The following PRDM16 variants were observed in gnomAD, a reference collection of about 807,000 sequenced individuals.
The protein encoded by PRDM16 is histone-lysine N-methyltransferase PRDM16.
A neutral mutation model predicts 110.6 loss-of-function variants in PRDM16; 23 were observed. The observed-to-expected ratio is 0.21, with a 90% CI of 0.15 to 0.29. The LOEUF is 0.29. PRDM16 is among the 10% of genes least tolerant of loss of function. PRDM16 has a pLI of 1.00. For synonymous variants in PRDM16, 799 were observed against 781.8 expected (o/e 1.02, Z -0.37); for missense variants, 1,615 against 1,794.3 (o/e 0.90, Z 1.81).
At chr1:3,070,935 C>T (rs1641741330) in intron 1 of PRDM16, among the ~76,000 whole-genome samples, 1 of 152,242 alleles carries the variant, frequency 6.6e-6, no homozygotes, top group African/African-American at 2.4e-5. Context: ...TGACCTCTGA[C>T]CCCTCTTGGT....
chr1:3,233,907 TGGG>T (rs1569893609), intron 2 of PRDM16, among the ~76,000 whole-genome samples: 1 of 136,298 alleles, frequency 7.3e-6, no homozygotes, highest in African/African-American at 2.8e-5. Flanking sequence ...AAAAAAAAGG[TGGG>T]GGGAAATTCT....
At chr1:3,341,904 G>A (rs1321869210) in intron 3 of PRDM16, among the ~76,000 whole-genome samples, 1 of 152,230 alleles carries the variant, frequency 6.6e-6, no homozygotes, top group Non-Finnish European at 1.5e-5. Flanking sequence ...GGTAGGTTAG[G>A]TGTATTAAAT....
chr1:3,158,552 G>T (rs1378449351), intron 1 of PRDM16, among the ~76,000 whole-genome samples: 1 of 152,036 alleles, frequency 6.6e-6, no homozygotes, highest in African/African-American at 2.4e-5. Context: ...TTCTCATGGC[G>T]AGAAGGCACG....
chr1:3,182,721 T>C (rs1266744094), intron 1 of PRDM16, among the ~76,000 whole-genome samples: 1 of 152,188 alleles, frequency 6.6e-6, no homozygotes, highest in Non-Finnish European at 1.5e-5. Context: ...CTCCCTTACC[T>C]GTATTATGCG....
At chr1:3,219,248 G>A (rs1000962425) in intron 2 of PRDM16, among the ~76,000 whole-genome samples, 3 of 152,220 alleles carry the variant, frequency 2.0e-5, no homozygotes, top group Non-Finnish European at 4.4e-5. Context: ...TGCTGCAGTT[G>A]GACCAGGCTG....
intron 3 of PRDM16, among the ~76,000 whole-genome samples, chr1:3,372,031 C>T (rs1002763156): frequency 1.8e-4 from 28 of 152,328 alleles, no homozygotes; most frequent in Non-Finnish European, 3.1e-4. Flanking sequence ...TGTGTCTGGT[C>T]CTCCTAAGGT....
chr1:3,151,457 C>A (rs893835326), intron 1 of PRDM16, among the ~76,000 whole-genome samples: 2 of 152,250 alleles, frequency 1.3e-5, no homozygotes, highest in African/African-American at 2.4e-5. Context: ...AACAGGCTCA[C>A]TCTAGGTAGT....
At chr1:3,287,801 C>T (rs1280682688) in intron 3 of PRDM16, among the ~76,000 whole-genome samples, 1 of 148,996 alleles carries the variant, frequency 6.7e-6, no homozygotes, top group Non-Finnish European at 1.5e-5. Flanking sequence ...CCGCCCCCTG[C>T]CACGTGGGCA....
At position 3,240,760 on chromosome 1, in the gene PRDM16, A is replaced by T. The variant is rs188792658; in HGVS notation, c.388-3327A>T. Among the ~76,000 whole-genome samples, 303 of 152,350 alleles carry T rather than the reference A, an allele frequency of 2.0e-3. 1 individual carries two copies. Among genetic ancestry groups the T allele is most frequent in the African/African-American group, 7.1e-3 (294 of 41,586 alleles). ...TCCAGAGCCCTAAGCGCCTCTGCGT[A>T]CGTGGCCTCTTTGCTGACTTTTTGG... is the stretch of plus-strand genomic sequence containing the variant. On this transcript the variant is annotated intron_variant, in intron 2 of 16. Coordinates refer to ENST00000270722, the MANE Select transcript of PRDM16 (RefSeq NM_022114.4).
At chr1:3,194,112 A>G (rs1250416585) in intron 2 of PRDM16, among the ~76,000 whole-genome samples, 1 of 152,186 alleles carries the variant, frequency 6.6e-6, no homozygotes, top group Non-Finnish European at 1.5e-5. Flanking sequence ...CCTGCACCAG[A>G]CCGCCGGGCA....
Position 3,426,190 on chromosome 1 carries a change from T to A in PRDM16, c.3249T>A (p.Ser1083Arg). The A allele has an allele frequency of 1.9e-6, 3 of 1,613,704 alleles. No individual in the cohort carries two copies. The South Asian group carries it at 3.3e-5, about 18-fold the overall frequency. The change falls in exon 14 of 17, where the codon AGT (serine) becomes AGA (arginine). Residue 1083 changes from serine (S) to arginine (R), a missense_variant. Ser to Arg is a moderately radical substitution (Grantham distance 110). Coordinates refer to ENST00000270722, the MANE Select transcript of PRDM16 (RefSeq NM_022114.4). Reference sequence around the variant, plus strand: ...AAATCAGAAACTTTATTGCCAATAGTGAGATGAACCAAGCATCAACGCGAA... The same window carrying A: ...AAATCAGAAACTTTATTGCCAATAGAGAGATGAACCAAGCATCAACGCGAA... Reference protein sequence around the residue: ...FSEIRNFIANSEMNQASTRTE... With the variant: ...FSEIRNFIANREMNQASTRTE...
intron 2 of PRDM16, among the ~76,000 whole-genome samples, chr1:3,216,503 G>A (rs1639034327): frequency 6.6e-6 from 1 of 152,246 alleles, no homozygotes; most frequent in African/African-American, 2.4e-5. Context: ...ACCCAGGTCT[G>A]GTGGGTTGGT....
intron 3 of PRDM16, among the ~76,000 whole-genome samples, chr1:3,369,864 G>A (rs562870280): frequency 1.3e-5 from 2 of 152,364 alleles, no homozygotes; most frequent in South Asian, 2.1e-4. Context: ...AGCAGCAAGA[G>A]CTGTTCTTTA....
chr1:3,204,503 G>A (rs1056398347), intron 2 of PRDM16, among the ~76,000 whole-genome samples: 1 of 152,264 alleles, frequency 6.6e-6, no homozygotes, highest in African/African-American at 2.4e-5. Context: ...CACCAGGGAA[G>A]TCTCCGAATT....
chr1:3,202,622 G>A (rs1638658059), intron 2 of PRDM16, among the ~76,000 whole-genome samples: 1 of 152,236 alleles, frequency 6.6e-6, no homozygotes, highest in African/African-American at 2.4e-5. Context: ...GAGGGATGGT[G>A]TGTGCCTTCT....
At chr1:3,127,108 C>T (rs1025327397) in intron 1 of PRDM16, among the ~76,000 whole-genome samples, 1 of 152,144 alleles carries the variant, frequency 6.6e-6, no homozygotes, top group Non-Finnish European at 1.5e-5. Context: ...AGGGAAAGGC[C>T]AAGGAAAAGA....
At chr1:3,332,705 A>G (rs1268564518) in intron 3 of PRDM16, among the ~76,000 whole-genome samples, 1 of 151,272 alleles carries the variant, frequency 6.6e-6, no homozygotes, top group East Asian at 1.9e-4. Flanking sequence ...CCCAGGAGAA[A>G]CTGCGCCCCA....
rs191891512 is a variant in PRDM16, at chr1:3,294,663, T to G, written c.438+50526T>G. ...GCCTCCCCTTCAGCCAGCGCCATCC[T>G]CTGTCCCCCAGGCCTCGCGGGCTGG... On this transcript the variant is annotated intron_variant, in intron 3 of 16. Coordinates refer to ENST00000270722, the MANE Select transcript of PRDM16 (RefSeq NM_022114.4). Among the ~76,000 whole-genome samples the G allele has an allele frequency of 4.1e-3, 627 of 152,128 alleles. 6 individuals are homozygous for G. Among genetic ancestry groups the G allele is most frequent in the Admixed American group, 0.016 (250 of 15,288 alleles).
chr1:3,201,784 C>T lies in PRDM16; in HGVS notation c.387+15310C>T, dbSNP rs1200303673. Among the ~76,000 whole-genome samples, 1 of 152,242 alleles carries T rather than the reference C, an allele frequency of 6.6e-6. No homozygotes were observed. On this transcript the variant is annotated intron_variant, in intron 2 of 16. Coordinates refer to ENST00000270722, the MANE Select transcript of PRDM16 (RefSeq NM_022114.4). The surrounding 1 kb of genome is among the most constrained non-coding windows in gnomAD (Gnocchi z 4.1). ...CCCCGCTTCCACGCGAGCCCTCTCC[C>T]ACCTGGCCTCTGTTTCTACCTCGGG...
Sources: gnomAD v4.1 joint callset for allele counts (sites outside exome capture counted in the v4.1 genomes callset) on GRCh38, gnomAD v4.1.1 for gene constraint, Gnocchi (gnomAD v3.1) non-coding constraint, MANE v1.5 for transcripts, NCBI Gene and HGNC (gene_info 2026-07-23, HGNC 2026-07-21) for gene names.